Variants in TCTN2 observed in about 807,000 individuals in gnomAD.
The protein encoded by TCTN2 is tectonic-2.
TCTN2 carries 66 observed loss-of-function variants against 83.4 expected under a neutral mutation model. The observed-to-expected ratio is 0.79, with a 90% CI of 0.65 to 0.97. The LOEUF is 0.97. Among genes scored for constraint, TCTN2 ranks in the 50% least tolerant of loss-of-function variants. The probability of loss-of-function intolerance (pLI) is 0.00; values close to 1 mark genes in which losing one functional copy is unlikely to be tolerated. For synonymous variants in TCTN2, 301 were observed against 326.7 expected (o/e 0.92, Z 0.85); for missense variants, 794 against 858.1 (o/e 0.93, Z 0.93).
At chr12:123,678,891 G>A (rs1348972366) in intron 4 of TCTN2, among the ~76,000 whole-genome samples, 3 of 151,454 alleles carry the variant, frequency 2.0e-5, no homozygotes, top group Non-Finnish European at 4.4e-5. Flanking sequence ...TCCGCCTCCC[G>A]GGTTCACACC....
At chr12:123,679,496 G>A (rs548885390) in intron 5 of TCTN2, among the ~76,000 whole-genome samples, 10 of 152,038 alleles carry the variant, frequency 6.6e-5, no homozygotes, top group African/African-American at 2.4e-4. Context: ...TGAGTAGCTG[G>A]GACCACAGGC....
At chr12:123,700,959 C>CAAAAT (rs1311071675) in intron 14 of TCTN2, among the ~76,000 whole-genome samples, 1 of 152,044 alleles carries the variant, frequency 6.6e-6, no homozygotes, top group Non-Finnish European at 1.5e-5. Context: ...AAAAATAAAA[C>CAAAAT]AAAATAAAAT....
intron 5 of TCTN2, 50 bp downstream of exon 5, chr12:123,679,339 C>G: frequency 6.8e-7 from 1 of 1,472,900 alleles, no homozygotes; most frequent in Non-Finnish European, 9.5e-7. Flanking sequence ...TGTGAGAACA[C>G]CAGCAGTTCC....
intron 5 of TCTN2, among the ~76,000 whole-genome samples, chr12:123,682,664 C>T (rs555766263): frequency 4.6e-5 from 7 of 151,292 alleles, no homozygotes; most frequent in African/African-American, 1.5e-4. Flanking sequence ...ATATTTTTAG[C>T]GCAGATGGGG....
intron 14 of TCTN2, among the ~76,000 whole-genome samples, chr12:123,702,291 G>A (rs1037531828): frequency 1.2e-4 from 19 of 152,252 alleles, no homozygotes; most frequent in Non-Finnish European, 2.4e-4. Context: ...TGGTGGGTAG[G>A]GATCAGCCCT....
chr12:123,692,904 C>T (rs1956060666), intron 9 of TCTN2, among the ~76,000 whole-genome samples, 181 bp downstream of exon 9: 2 of 151,964 alleles, frequency 1.3e-5, no homozygotes, highest in South Asian at 2.1e-4. Flanking sequence ...CTTTAGAGTG[C>T]TCTCTGTGAC....
intron 14 of TCTN2, chr12:123,700,123 C>G: frequency 2.3e-6 from 1 of 443,832 alleles, no homozygotes; most frequent in Non-Finnish European, 4.2e-6. Flanking sequence ...GGGATCCTCC[C>G]GCCTCAGCCT....
At chr12:123,686,770 A>G in intron 5 of TCTN2, 66 bp from the exon 6 acceptor site, 6 of 1,510,542 alleles carry the variant, frequency 4.0e-6, no homozygotes, top group Non-Finnish European at 5.5e-6. Context: ...AAGAGTTAGC[A>G]TTCGCTACGC....
chr12:123,691,293 C>T (rs972973946), intron 8 of TCTN2, among the ~76,000 whole-genome samples: 2 of 152,212 alleles, frequency 1.3e-5, no homozygotes, highest in African/African-American at 4.8e-5. Context: ...TACCCATTAG[C>T]AGTCACTCCC....
chr12:123,694,782 A>T, intron 9 of TCTN2, 60 bp from the exon 10 acceptor site: 1 of 1,586,232 alleles, frequency 6.3e-7, no homozygotes. Flanking sequence ...AGAACCTCCC[A>T]GTAACAGAGT....
At chr12:123,696,683 C>A in intron 12 of TCTN2, 188 bp downstream of exon 12, 1 of 644,310 alleles carries the variant, frequency 1.6e-6, no homozygotes, top group South Asian at 1.7e-5. Flanking sequence ...AAAAGGAATG[C>A]TAACATTGTT....
intron 8 of TCTN2, among the ~76,000 whole-genome samples, chr12:123,692,200 C>T (rs998112092): frequency 6.6e-6 from 1 of 151,944 alleles, no homozygotes; most frequent in African/African-American, 2.4e-5. Flanking sequence ...CATGAGCCAC[C>T]ACGCCCGGCT....
chr12:123,705,966 G>C lies in TCTN2; in HGVS notation c.1770-760G>C, dbSNP rs946993362. Among the ~76,000 whole-genome samples the C allele has an allele frequency of 9.2e-5, 14 of 152,024 alleles. No homozygotes were observed. The East Asian group carries it at 2.1e-3, about 23-fold the overall frequency. ...AGATGGGGTTTCTCCATGTTGGTCA[G>C]GCTGGTCTTGAACTCCCAACCTGAG... On this transcript the variant is annotated intron_variant, in intron 15 of 17. Transcript: ENST00000303372.
intron 11 of TCTN2, 65 bp downstream of exon 11, chr12:123,695,362 C>G (rs1204236011): frequency 9.3e-7 from 1 of 1,069,990 alleles, no homozygotes; most frequent in African/African-American, 1.6e-5. Flanking sequence ...TCCCAGCCAT[C>G]AGGATGGTTA....
intron 5 of TCTN2, among the ~76,000 whole-genome samples, chr12:123,682,347 T>A (rs1160028959): frequency 6.6e-6 from 1 of 152,256 alleles, no homozygotes; most frequent in Non-Finnish European, 1.5e-5. Flanking sequence ...ATGGGATATT[T>A]GTATATCTTT....
At position 123,694,888 on chromosome 12, in the gene TCTN2, A is replaced by C. The variant is rs748563173; in HGVS notation, c.1146A>C (p.Glu382Asp). 14 of 1,613,256 alleles carry C rather than the reference A, an allele frequency of 8.7e-6. No homozygotes were observed. The highest frequency in any genetic ancestry group is 1.3e-5 in the African/African-American group (1 of 74,914). Reference protein sequence around the residue: ...NGSTPRIVNVEEHYIFKWNNN... With the variant: ...NGSTPRIVNVDEHYIFKWNNN... ...CAACCCCTAGAATTGTGAATGTGGAAGAACATTATATTTTCAAATGGAATA... is the reference window on the plus strand; with the variant it reads ...CAACCCCTAGAATTGTGAATGTGGACGAACATTATATTTTCAAATGGAATA... Residue 382 changes from glutamate (E) to aspartate (D), a missense_variant, in exon 10 of 18, where the codon GAA (glutamate) becomes GAC (aspartate). Glu to Asp is a conservative substitution (Grantham distance 45). Transcript: ENST00000303372.
chr12:123,685,049 C>CAAA (rs35845988), intron 5 of TCTN2, among the ~76,000 whole-genome samples: 1 of 94,812 alleles, frequency 1.1e-5, no homozygotes, highest in Non-Finnish European at 2.2e-5. Flanking sequence ...GACTCCATCT[C>CAAA]AAAAAAAAAA....
chr12:123,688,567 C>A (rs375148280), intron 7 of TCTN2, among the ~76,000 whole-genome samples: 29 of 152,064 alleles, frequency 1.9e-4, no homozygotes, highest in African/African-American at 6.3e-4. Context: ...AGTCATATTT[C>A]TCTTTAAAAT....
intron 4 of TCTN2, among the ~76,000 whole-genome samples, chr12:123,678,558 G>A (rs971021133): frequency 2.6e-5 from 4 of 152,088 alleles, no homozygotes; most frequent in Non-Finnish European, 5.9e-5. Flanking sequence ...AAAGTGCTGG[G>A]TTTACAGGTG....
Sources: gnomAD v4.1 joint callset for allele counts (sites outside exome capture counted in the v4.1 genomes callset) on GRCh38, gnomAD v4.1.1 for gene constraint, MANE v1.5 for transcripts, NCBI Gene and HGNC (gene_info 2026-07-23, HGNC 2026-07-21) for gene names.